Variants in ROBO1 observed in about 807,000 individuals in gnomAD.
The protein encoded by ROBO1 is roundabout homolog 1.
A neutral mutation model predicts 195.9 loss-of-function variants in ROBO1; 149 were observed. The observed-to-expected ratio is 0.76, with a 90% confidence interval of 0.67 to 0.87. ROBO1 has a LOEUF of 0.87. Among genes scored for constraint, ROBO1 ranks in the 40% least tolerant of loss-of-function variants. ROBO1 has a pLI of 0.00. For synonymous variants in ROBO1, 816 were observed against 733.2 expected (o/e 1.11, Z -1.82); for missense variants, 1,933 against 2,068.3 (o/e 0.93, Z 1.27).
At chr3:78,742,167 T>G (rs1016953681) in intron 5 of ROBO1, among the ~76,000 whole-genome samples, 3 of 152,140 alleles carry the variant, frequency 2.0e-5, no homozygotes, top group African/African-American at 7.2e-5. Flanking sequence ...ATTAAAGAAC[T>G]CTAGAAATTC....
chr3:79,350,898 C>T (rs189612382), intron 2 of ROBO1, among the ~76,000 whole-genome samples: 1 of 152,148 alleles, frequency 6.6e-6, no homozygotes, highest in East Asian at 1.9e-4. Context: ...GGCACCATCA[C>T]AATGTACTAC....
At chr3:78,875,232 T>C (rs2035770332) in intron 4 of ROBO1, among the ~76,000 whole-genome samples, 1 of 152,026 alleles carries the variant, frequency 6.6e-6, no homozygotes, top group Non-Finnish European at 1.5e-5. Context: ...ATTTTTAAAA[T>C]AGATTATAAA....
At chr3:78,804,107 G>A (rs939977432) in intron 4 of ROBO1, among the ~76,000 whole-genome samples, 6 of 152,102 alleles carry the variant, frequency 3.9e-5, no homozygotes, top group African/African-American at 1.4e-4. Context: ...CCGCTCATCA[G>A]CACTATGAAC....
intron 3 of ROBO1, among the ~76,000 whole-genome samples, chr3:78,941,991 C>T (rs574702713): frequency 2.6e-5 from 4 of 151,988 alleles, no homozygotes; most frequent in Non-Finnish European, 4.4e-5. Context: ...AGTGAGGACC[C>T]GTTTCAAGCA....
At chr3:79,648,293 G>A (rs972794436) in intron 1 of ROBO1, among the ~76,000 whole-genome samples, 10 of 152,058 alleles carry the variant, frequency 6.6e-5, no homozygotes, top group African/African-American at 2.2e-4. Context: ...TCTGTTATTA[G>A]ATCGTGCATA....
At chr3:79,686,056 G>T (rs994712415) in intron 1 of ROBO1, among the ~76,000 whole-genome samples, 3 of 152,188 alleles carry the variant, frequency 2.0e-5, no homozygotes, top group African/African-American at 7.2e-5. Context: ...TGGGATGCAA[G>T]GCTGGTTCAA....
At chr3:78,876,872 A>G (rs1205545119) in intron 4 of ROBO1, among the ~76,000 whole-genome samples, 2 of 152,062 alleles carry the variant, frequency 1.3e-5, no homozygotes, top group Non-Finnish European at 2.9e-5. Flanking sequence ...AAATTCCACT[A>G]GATTTTTTTT....
intron 1 of ROBO1, among the ~76,000 whole-genome samples, chr3:79,705,368 T>C (rs1576258007): frequency 1.4e-5 from 2 of 142,470 alleles, no homozygotes; most frequent in African/African-American, 5.2e-5. Flanking sequence ...ACAGTCTCTG[T>C]CTAGATTTAT....
At chr3:79,279,233 T>G (rs2031305369) in intron 2 of ROBO1, among the ~76,000 whole-genome samples, 1 of 151,874 alleles carries the variant, frequency 6.6e-6, no homozygotes, top group South Asian at 2.1e-4. Context: ...ACCACTGCAT[T>G]CCAGCCTGGG....
intron 4 of ROBO1, among the ~76,000 whole-genome samples, chr3:78,858,504 G>A (rs942582765): frequency 1.4e-5 from 2 of 144,020 alleles, no homozygotes; most frequent in African/African-American, 2.6e-5. Flanking sequence ...CTAGGTGGAT[G>A]TATCACTTGA....
chr3:78,886,926 A>C (rs948764993), intron 4 of ROBO1, among the ~76,000 whole-genome samples: 1 of 152,146 alleles, frequency 6.6e-6, no homozygotes, highest in Non-Finnish European at 1.5e-5. Context: ...CCTGCTTATT[A>C]TTCTGCATAC....
chr3:79,374,498 T>G (rs1324888928), intron 2 of ROBO1, among the ~76,000 whole-genome samples: 2 of 152,126 alleles, frequency 1.3e-5, no homozygotes, highest in African/African-American at 4.8e-5. Context: ...GAAGAAAAAC[T>G]GATATCTGTT....
intron 22 of ROBO1, among the ~76,000 whole-genome samples, chr3:78,639,169 T>C (rs1339203860): frequency 4.0e-5 from 6 of 151,810 alleles, no homozygotes; most frequent in Admixed American, 3.9e-4. Flanking sequence ...AGTTAAATAC[T>C]TTTATGGCTG....
chr3:78,800,471 G>A (rs1332837555), intron 4 of ROBO1, among the ~76,000 whole-genome samples: 1 of 152,162 alleles, frequency 6.6e-6, no homozygotes, highest in African/African-American at 2.4e-5. Flanking sequence ...GTCAGAATAG[G>A]ATGACTTACC....
Position 78,597,662 on chromosome 3 carries a change from A to G in ROBO1, c.*1251T>C, listed in dbSNP as rs1437613836. 1 of 152,328 alleles carries G rather than the reference A, an allele frequency of 6.6e-6. No individual in the cohort carries two copies. The highest frequency in any genetic ancestry group is 1.5e-5 in the Non-Finnish European group (1 of 68,002). The allele number at this position is 152,328 out of a possible 1,614,324, so 9.4% of individuals were successfully genotyped here. On this transcript the variant is annotated 3_prime_UTR_variant, in exon 31 of 31. Transcript: ENST00000464233. ...TCAATTGAAAGCAAGTAATGCCTCT[A>G]TTAGAGATTTTAAGGAAATCTTGTA...
chr3:78,743,157 A>T (rs1183156226), intron 5 of ROBO1, among the ~76,000 whole-genome samples: 1 of 152,172 alleles, frequency 6.6e-6, no homozygotes, highest in Non-Finnish European at 1.5e-5. Flanking sequence ...TAGTGTATGG[A>T]ACATGACATT....
intron 2 of ROBO1, among the ~76,000 whole-genome samples, chr3:79,163,723 T>C (rs367770624): frequency 7.1e-4 from 108 of 152,256 alleles, no homozygotes; most frequent in South Asian, 6.4e-3. Context: ...TTGTTTTTTA[T>C]AGAAGCCATT....
chr3:79,490,670 T>C (rs1446041799), intron 2 of ROBO1, among the ~76,000 whole-genome samples: 1 of 152,206 alleles, frequency 6.6e-6, no homozygotes, highest in African/African-American at 2.4e-5. Context: ...AGGAGAAAGT[T>C]GCCTTCCCTG....
intron 2 of ROBO1, among the ~76,000 whole-genome samples, chr3:79,578,807 A>ATT (rs1943572231): frequency 6.6e-6 from 1 of 152,186 alleles, no homozygotes; most frequent in Admixed American, 6.5e-5. Context: ...AGACACTTCC[A>ATT]TTTGGAAGAA....
Sources: allele counts gnomAD v4.1 joint callset (sites outside exome capture counted in the v4.1 genomes callset), GRCh38; gene constraint gnomAD v4.1.1; transcripts MANE v1.5; gene names NCBI Gene and HGNC (gene_info 2026-07-23, HGNC 2026-07-21).